TBC1D1: variants seen among roughly 807,000 people sequenced by gnomAD.
TBC1D1 encodes TBC1 (tre-2/USP6, BUB2, cdc16) domain family, member 1.
In TBC1D1, 89 loss-of-function variants were observed where a neutral mutation model predicts 125.6. That is an observed-to-expected ratio of 0.71 (90% CI 0.60 to 0.85). The LOEUF (loss-of-function observed/expected upper bound fraction) is 0.85, where lower values mean the gene tolerates loss of function less well. TBC1D1 is among the 40% of genes least tolerant of loss of function. TBC1D1 has a pLI of 0.00. For synonymous variants in TBC1D1, 565 were observed against 564.1 expected (o/e 1.00, Z -0.02); for missense variants, 1,377 against 1,469.2 (o/e 0.94, Z 1.03).
intron 2 of TBC1D1, among the ~76,000 whole-genome samples, chr4:37,941,313 A>T (rs1012891062): frequency 6.6e-6 from 1 of 152,074 alleles, no homozygotes; most frequent in African/African-American, 2.4e-5. Flanking sequence ...ATTTGCACAG[A>T]GGTGTTTATA....
At chr4:38,031,310 A>G (rs7670756) in intron 7 of TBC1D1, among the ~76,000 whole-genome samples, 64,030 of 152,124 alleles carry the variant, frequency 0.42, 14,002 homozygotes, top group African/African-American at 0.54. Flanking sequence ...TTGATAATTC[A>G]TTAAGTAACA....
chr4:38,094,882 C>T (rs75703633), intron 13 of TBC1D1, among the ~76,000 whole-genome samples: 1 of 124,672 alleles, frequency 8.0e-6, no homozygotes, highest in Admixed American at 8.1e-5. Flanking sequence ...CAAATCACAG[C>T]CAAAAAAAAA....
In TBC1D1 at chr4:38,088,243, A is replaced by T. The variant is rs80020533; in HGVS notation, c.2051-1689A>T. ...AAAGGATTCAATTGAACTGCATCATATTCAGTAATGACTAATCCTAAGTAT... is the reference window on the plus strand; with the variant it reads ...AAAGGATTCAATTGAACTGCATCATTTTCAGTAATGACTAATCCTAAGTAT... On this transcript the variant is annotated intron_variant, in intron 12 of 19. Coordinates refer to ENST00000261439, the MANE Select transcript of TBC1D1 (RefSeq NM_015173.4). Among the ~76,000 whole-genome samples, 899 of 152,332 alleles carry T rather than the reference A, an allele frequency of 5.9e-3. 14 individuals are homozygous for T. The highest frequency in any genetic ancestry group is 0.02 in the African/African-American group (820 of 41,578).
chr4:38,080,561 GCTTT>G (rs1228008755), intron 12 of TBC1D1, among the ~76,000 whole-genome samples: 1 of 152,218 alleles, frequency 6.6e-6, no homozygotes, highest in Non-Finnish European at 1.5e-5. Context: ...TCATCATGCT[GCTTT>G]CTTTTAATTC....
In TBC1D1 at chr4:38,044,488, C is replaced by T. The variant is rs1411919609; in HGVS notation, c.1540C>T (p.Arg514Trp). Residue 514 changes from arginine (R) to tryptophan (W), a missense_variant and splice_region_variant, in exon 9 of 20, where the codon CGG (arginine) becomes TGG (tryptophan). This residue lies in a region of TBC1D1 where 822 missense variants were observed against 824.6 expected (regional missense o/e 1.00). Coordinates refer to ENST00000261439, the MANE Select transcript of TBC1D1 (RefSeq NM_015173.4). ...AGAGTCTTTAGAAAGTATTTTGTCC[C>T]GGGTAAGTAGCATAATTTCTCCTGA... is the stretch of plus-strand genomic sequence containing the variant. 1.9e-5 allele frequency: 31 copies of T among 1,604,888 alleles called. No individual in the cohort carries two copies. The highest frequency in any genetic ancestry group is 2.3e-5 in the South Asian group (2 of 88,842).
chr4:38,060,672 A>G (rs1348095813), intron 12 of TBC1D1: 24 of 1,285,526 alleles, frequency 1.9e-5, no homozygotes, highest in Non-Finnish European at 2.4e-5. Context: ...AAGCAGATAG[A>G]GGCAGTCTCA....
At chr4:38,120,028 AG>A in intron 17 of TBC1D1, 1 of 985,396 alleles carries the variant, frequency 1.0e-6, no homozygotes, top group Non-Finnish European at 1.2e-6. Context: ...TGGAAATGAT[AG>A]CCCTTCTATT....
At chr4:38,105,060 T>C (rs1361962044) in intron 15 of TBC1D1, among the ~76,000 whole-genome samples, 1 of 152,034 alleles carries the variant, frequency 6.6e-6, no homozygotes, top group Non-Finnish European at 1.5e-5. Flanking sequence ...CGGCCCCACT[T>C]AAGGTTATTC....
intron 17 of TBC1D1, chr4:38,119,924 C>T (rs900658739): frequency 2.0e-6 from 2 of 985,378 alleles, no homozygotes; most frequent in Non-Finnish European, 2.4e-6. Context: ...ACTGGAGCTG[C>T]TGCTTGCAGA....
rs1753208625 is a variant in TBC1D1 at position 38,063,876 on chromosome 4, G to A, written c.2050+9538G>A. 2.0e-5 allele frequency among the ~76,000 whole-genome samples: 3 copies of A among 152,120 alleles called. No homozygotes were observed. In the South Asian group the frequency reaches 6.2e-4, roughly 32 times the overall value. The stretch of plus-strand genomic sequence containing the variant: ...ACTCATGGCCTCAAGTGATCCTTCT[G>A]CCTCAGCCTCCCAAAGTGTTGGGAT... On this transcript the variant is annotated intron_variant, in intron 12 of 19. Transcript: ENST00000261439.
rs190726513 is a variant in TBC1D1, at chr4:38,020,152, A to T, written c.973-439A>T. On this transcript the variant is annotated intron_variant, in intron 4 of 19. Transcript: ENST00000261439. ...TGTTTTTAGACTTTTTGAAATTTTA[A>T]AATATCAGAGAAAATAGTAATTTCC... Among the ~76,000 whole-genome samples, 28 of 152,308 alleles carry T rather than the reference A, an allele frequency of 1.8e-4. No homozygotes were observed. In the East Asian group the frequency reaches 4.8e-3, roughly 26 times the overall value.
At chr4:38,128,303 TTC>T (rs1764995894) in intron 18 of TBC1D1, among the ~76,000 whole-genome samples, 1 of 152,166 alleles carries the variant, frequency 6.6e-6, no homozygotes, top group African/African-American at 2.4e-5. Flanking sequence ...CATCTGAGTG[TTC>T]TCTGTCAGGC....
chr4:37,936,769 C>T (rs1293567616), intron 2 of TBC1D1, among the ~76,000 whole-genome samples: 5 of 152,110 alleles, frequency 3.3e-5, no homozygotes, highest in African/African-American at 4.8e-5. Flanking sequence ...AACCTCCTTG[C>T]GAGATGGGAT....
intron 5 of TBC1D1, 137 bp downstream of exon 5, chr4:38,020,832 A>G (rs1743862487): frequency 3.1e-6 from 2 of 641,808 alleles, no homozygotes; most frequent in African/African-American, 1.8e-5. Flanking sequence ...ACTTATGACT[A>G]TTTAGTAAGC....
intron 12 of TBC1D1, among the ~76,000 whole-genome samples, chr4:38,077,925 A>G (rs1450473789): frequency 1.3e-5 from 2 of 152,098 alleles, no homozygotes; most frequent in African/African-American, 4.8e-5. Context: ...GCGATGGGGT[A>G]GGTCAGGTTG....
chr4:38,053,014 C>A, intron 11 of TBC1D1, 92 bp from the exon 13 acceptor site: 2 of 987,328 alleles, frequency 2.0e-6, no homozygotes, highest in Non-Finnish European at 1.3e-6. Context: ...AGCATTAGAA[C>A]AAAAATGTTT....
At chr4:38,025,610 G>A (rs1365441027) in intron 6 of TBC1D1, among the ~76,000 whole-genome samples, 1 of 152,182 alleles carries the variant, frequency 6.6e-6, no homozygotes, top group Admixed American at 6.5e-5. Context: ...CTCTTCTTAA[G>A]CCTTGGGGTT....
At chr4:38,129,837 A>G (rs901039346) in intron 18 of TBC1D1, among the ~76,000 whole-genome samples, 2 of 152,174 alleles carry the variant, frequency 1.3e-5, no homozygotes, top group African/African-American at 4.8e-5. Context: ...AGATAATAGA[A>G]AGACATTTCT....
At position 37,965,819 on chromosome 4, in the gene TBC1D1, C is replaced by T. The variant is rs570719245; in HGVS notation, c.418-48690C>T. Among the ~76,000 whole-genome samples, 84 of 152,188 alleles carry T rather than the reference C, an allele frequency of 5.5e-4. 1 individual carries two copies. Among genetic ancestry groups the T allele is most frequent in the Non-Finnish European group, 8.2e-4 (56 of 68,002 alleles). Reference sequence around the variant, plus strand: ...AGGCTGGAGTACAGTGGCACAATTTCGGCTCACTACAACCTCCACCTCCCA... The same window carrying T: ...AGGCTGGAGTACAGTGGCACAATTTTGGCTCACTACAACCTCCACCTCCCA... On this transcript the variant is annotated intron_variant, in intron 2 of 19. Coordinates refer to ENST00000261439, the MANE Select transcript of TBC1D1 (RefSeq NM_015173.4).
Sources: allele counts gnomAD v4.1 joint callset (sites outside exome capture counted in the v4.1 genomes callset), GRCh38; gene constraint gnomAD v4.1.1; regional missense constraint gnomAD v4.1.1; transcripts MANE v1.5; gene names NCBI Gene and HGNC (gene_info 2026-07-23, HGNC 2026-07-21).